The following SEMA5A variants were observed in gnomAD, a reference collection of about 807,000 sequenced individuals.
SEMA5A encodes semaphorin 5A.
SEMA5A carries 55 observed loss-of-function variants against 135.5 expected under a neutral mutation model. The observed-to-expected ratio is 0.41, with a 90% CI of 0.33 to 0.51. The LOEUF (loss-of-function observed/expected upper bound fraction) is 0.51, where lower values mean the gene tolerates loss of function less well. SEMA5A is among the 20% of genes least tolerant of loss of function. The pLI is 0.37. For missense variants in SEMA5A, 1,290 were observed against 1,419.9 expected, an observed-to-expected ratio of 0.91 and a Z score of 1.47; for synonymous variants, 580 against 546.5, an observed-to-expected ratio of 1.06 and a Z score of -0.85.
At chr5:9,378,293 GT>G (rs376283087) in intron 3 of SEMA5A, among the ~76,000 whole-genome samples, 23 of 152,260 alleles carry the variant, frequency 1.5e-4, no homozygotes, top group African/African-American at 5.5e-4. Flanking sequence ...TACGTAAAGA[GT>G]TGATGAAGGA....
chr5:9,477,299 G>A (rs191304674), intron 1 of SEMA5A, among the ~76,000 whole-genome samples: 36 of 152,268 alleles, frequency 2.4e-4, no homozygotes, highest in African/African-American at 6.7e-4. Flanking sequence ...GGAATGTAAT[G>A]TAATACAGGA....
intron 2 of SEMA5A, among the ~76,000 whole-genome samples, chr5:9,436,478 C>T (rs1225280188): frequency 6.6e-6 from 1 of 152,206 alleles, no homozygotes; most frequent in African/African-American, 2.4e-5. Flanking sequence ...CACATCTACA[C>T]ATCTATACAG....
chr5:9,221,446 G>C (rs1223437826), intron 8 of SEMA5A, among the ~76,000 whole-genome samples: 1 of 151,122 alleles, frequency 6.6e-6, no homozygotes, highest in Non-Finnish European at 1.5e-5. Flanking sequence ...GGGACTACAG[G>C]CGCCCACCAC....
intron 5 of SEMA5A, among the ~76,000 whole-genome samples, chr5:9,274,400 C>T (rs936820857): frequency 2.0e-5 from 3 of 152,074 alleles, no homozygotes; most frequent in African/African-American, 7.2e-5. Flanking sequence ...ATTTTAACAC[C>T]CCACAGTCAA....
chr5:9,335,732 G>A (rs1753360367), intron 4 of SEMA5A, among the ~76,000 whole-genome samples: 1 of 152,186 alleles, frequency 6.6e-6, no homozygotes, highest in African/African-American at 2.4e-5. Flanking sequence ...CCAGATGTAG[G>A]TGTCTGAGAT....
At chr5:9,332,606 G>A (rs1415871046) in intron 4 of SEMA5A, among the ~76,000 whole-genome samples, 1 of 142,640 alleles carries the variant, frequency 7.0e-6, no homozygotes, top group Admixed American at 7.0e-5. Flanking sequence ...GTGTGAAGTT[G>A]TGGGCTGCTA....
intron 16 of SEMA5A, among the ~76,000 whole-genome samples, chr5:9,087,919 T>C (rs891356998): frequency 1.3e-5 from 2 of 152,214 alleles, no homozygotes; most frequent in Non-Finnish European, 2.9e-5. Flanking sequence ...TATTGACTGC[T>C]TTTTGCTTCA....
At chr5:9,098,552 A>C (rs1579388831) in intron 16 of SEMA5A, among the ~76,000 whole-genome samples, 2 of 152,226 alleles carry the variant, frequency 1.3e-5, no homozygotes, top group African/African-American at 4.8e-5. Flanking sequence ...AACTTCTATT[A>C]AGACTTTAAA....
intron 16 of SEMA5A, among the ~76,000 whole-genome samples, chr5:9,073,173 A>C (rs2150085743): frequency 6.6e-6 from 1 of 152,304 alleles, no homozygotes; most frequent in East Asian, 1.9e-4. Flanking sequence ...TTCCTCATGA[A>C]TGAGTATTCC....
chr5:9,258,594 T>A (rs943421608), intron 5 of SEMA5A, among the ~76,000 whole-genome samples: 11 of 152,138 alleles, frequency 7.2e-5, no homozygotes, highest in African/African-American at 1.9e-4. Context: ...ATCCTGGTGA[T>A]GAGATTTACT....
intron 1 of SEMA5A, among the ~76,000 whole-genome samples, chr5:9,515,580 C>T (rs1004161983): frequency 6.6e-6 from 1 of 152,128 alleles, no homozygotes; most frequent in African/African-American, 2.4e-5. Context: ...ATGACACAAA[C>T]AGAAGAGCTT....
chr5:9,449,918 C>A (rs1182436883), intron 1 of SEMA5A, among the ~76,000 whole-genome samples: 1 of 152,196 alleles, frequency 6.6e-6, no homozygotes, highest in African/African-American at 2.4e-5. Flanking sequence ...ATAAAATTCT[C>A]TTTTCAATCC....
At chr5:9,505,689 C>T (rs544940524) in intron 1 of SEMA5A, among the ~76,000 whole-genome samples, 21 of 152,284 alleles carry the variant, frequency 1.4e-4, no homozygotes, top group African/African-American at 5.1e-4. Flanking sequence ...AGGTGGCTCC[C>T]AAAACACCTC....
rs1046588596 is a variant in SEMA5A at position 9,122,684 on chromosome 5, G to C, written c.1753C>G (p.Pro585Ala). Residue 585 changes from proline (P) to alanine (A), a missense_variant, in exon 14 of 23, where the codon CCT becomes GCT. Pro to Ala is a conservative substitution (Grantham distance 27). Around this residue, in one of 3 missense-constraint regions of SEMA5A, gnomAD observed 1,029 missense variants for 1,086.6 expected, o/e 0.95. Coordinates refer to ENST00000382496, the MANE Select transcript of SEMA5A (RefSeq NM_003966.3). ...GAACAGTTGGCGATCTCCATGCCAG[G>C]GCCCTCGCACTGCCAGCCACCACAC... ...PQCGGWQCEGPGMEIANCSRN... is the reference protein window; with the variant it reads ...PQCGGWQCEGAGMEIANCSRN... 1 of 1,607,236 alleles carries C rather than the reference G, an allele frequency of 6.2e-7. No homozygotes were observed. The highest frequency in any genetic ancestry group is 1.7e-5 in the Admixed American group (1 of 59,558).
chr5:9,079,002 A>G lies in SEMA5A; in HGVS notation c.2074-12356T>C, dbSNP rs530173934. 1.5e-4 allele frequency among the ~76,000 whole-genome samples: 23 copies of G among 152,190 alleles called. No individual in the cohort carries two copies. In the East Asian group the frequency reaches 4.4e-3, roughly 29 times the overall value. On this transcript the variant is annotated intron_variant, in intron 16 of 22. Transcript: ENST00000382496. ...AGCTTTTGAGAAATATAAAAAATATAAATACAGAAACTATAAATATAAATA... is the reference window on the plus strand; with the variant it reads ...AGCTTTTGAGAAATATAAAAAATATGAATACAGAAACTATAAATATAAATA...
At chr5:9,130,542 T>C (rs1741351933) in intron 13 of SEMA5A, among the ~76,000 whole-genome samples, 2 of 152,170 alleles carry the variant, frequency 1.3e-5, no homozygotes, top group African/African-American at 4.8e-5. Flanking sequence ...GCAATAGTTA[T>C]CTAATACCTC....
intron 5 of SEMA5A, among the ~76,000 whole-genome samples, chr5:9,268,559 A>C (rs982632170): frequency 6.6e-6 from 1 of 152,188 alleles, no homozygotes; most frequent in African/African-American, 2.4e-5. Context: ...AATAAAGCTA[A>C]ATTATGATGG....
chr5:9,540,070 G>A, intron 1 of SEMA5A, among the ~76,000 whole-genome samples: 1 of 152,258 alleles, frequency 6.6e-6, no homozygotes, highest in East Asian at 1.9e-4. Flanking sequence ...CTTTCTCTCA[G>A]TATACTCTAT....
At chr5:9,124,749 C>G (rs966645477) in intron 13 of SEMA5A, among the ~76,000 whole-genome samples, 1 of 152,166 alleles carries the variant, frequency 6.6e-6, no homozygotes, top group South Asian at 2.1e-4. Context: ...AGCCACCATG[C>G]ACGGCCTCCA....
Sources: allele counts gnomAD v4.1 joint callset (sites outside exome capture counted in the v4.1 genomes callset), GRCh38; gene constraint gnomAD v4.1.1; regional missense constraint gnomAD v4.1.1; transcripts MANE v1.5; gene names NCBI Gene and HGNC (gene_info 2026-07-23, HGNC 2026-07-21).